LIMS1: variants seen among roughly 807,000 people sequenced by gnomAD.
LIMS1 encodes the protein LIM and senescent cell antigen-like-containing domain protein 1.
LIMS1 carries 18 observed loss-of-function variants against 44.1 expected under a neutral mutation model. The ratio of observed to expected loss-of-function variants is 0.41; its 90% CI spans 0.28 to 0.61. The LOEUF (loss-of-function observed/expected upper bound fraction) is 0.61. Ranked by LOEUF, LIMS1 falls within the 20% of genes least tolerant of loss-of-function variation. The pLI is 0.32. For missense variants in LIMS1, 201 were observed against 422.0 expected, an observed-to-expected ratio of 0.48 and a Z score of 4.59; for synonymous variants, 93 against 149.1, an observed-to-expected ratio of 0.62 and a Z score of 2.74.
intron 1 of LIMS1, among the ~76,000 whole-genome samples, chr2:108,627,690 G>A (rs1688658603): frequency 6.6e-6 from 1 of 152,022 alleles, no homozygotes; most frequent in African/African-American, 2.4e-5. Flanking sequence ...GTTATTAAAA[G>A]GAAACAGTAC....
intron 1 of LIMS1, chr2:108,621,520 G>A: frequency 8.1e-7 from 1 of 1,230,398 alleles, no homozygotes; most frequent in East Asian, 2.5e-5. Flanking sequence ...AAGTGCAGTG[G>A]GGATTCATGC....
chr2:108,547,903 G>A (rs992969301), intron 1 of LIMS1, among the ~76,000 whole-genome samples: 2 of 152,226 alleles, frequency 1.3e-5, no homozygotes, highest in African/African-American at 4.8e-5. Flanking sequence ...ATTAGAATCT[G>A]GAGATGGAGT....
At chr2:108,566,759 G>C (rs1685304961) in intron 1 of LIMS1, among the ~76,000 whole-genome samples, 1 of 152,080 alleles carries the variant, frequency 6.6e-6, no homozygotes, top group Non-Finnish European at 1.5e-5. Flanking sequence ...ACCATGCCCA[G>C]CTAATTTTTG....
At chr2:108,610,133 A>C (rs1687512647) in intron 1 of LIMS1, among the ~76,000 whole-genome samples, 1 of 146,264 alleles carries the variant, frequency 6.8e-6, no homozygotes, top group Non-Finnish European at 1.5e-5. Context: ...ACAAAGTGAG[A>C]CTCTGTTACA....
intron 1 of LIMS1, among the ~76,000 whole-genome samples, chr2:108,537,599 C>T (rs138998905): frequency 9.2e-5 from 14 of 152,264 alleles, no homozygotes; most frequent in African/African-American, 1.7e-4. Flanking sequence ...GTGAGAAAAT[C>T]GAACTGTTGA....
intron 1 of LIMS1, among the ~76,000 whole-genome samples, chr2:108,628,218 T>C: frequency 6.6e-6 from 1 of 152,262 alleles, no homozygotes; most frequent in East Asian, 1.9e-4. Context: ...GCAGTAATAC[T>C]TTCTTCTTAA....
At chr2:108,630,465 A>G (rs1205274426) in intron 1 of LIMS1, among the ~76,000 whole-genome samples, 1 of 152,172 alleles carries the variant, frequency 6.6e-6, no homozygotes, top group Non-Finnish European at 1.5e-5. Flanking sequence ...TGACTGTTGG[A>G]GTTGGATAAT....
chr2:108,544,272 G>C (rs1302907567), intron 1 of LIMS1, among the ~76,000 whole-genome samples: 2 of 152,130 alleles, frequency 1.3e-5, no homozygotes, highest in African/African-American at 4.8e-5. Context: ...GAAAATTCAA[G>C]AATCAGGGAG....
At chr2:108,640,462 C>G (rs1340709063) in intron 1 of LIMS1, among the ~76,000 whole-genome samples, 1 of 152,198 alleles carries the variant, frequency 6.6e-6, no homozygotes, top group African/African-American at 2.4e-5. Context: ...TGAGGCCACA[C>G]AGTGCTTTCA....
At chr2:108,575,190 T>C (rs750953849) in intron 1 of LIMS1, among the ~76,000 whole-genome samples, 3 of 152,164 alleles carry the variant, frequency 2.0e-5, no homozygotes, top group Non-Finnish European at 4.4e-5. Flanking sequence ...CTAGTTTGTT[T>C]AATCATTTGT....
chr2:108,649,425 C>T (rs112714637), intron 1 of LIMS1, among the ~76,000 whole-genome samples: 1,854 of 152,252 alleles, frequency 0.012, 45 homozygotes, highest in African/African-American at 0.043. Context: ...GCCGATTCCT[C>T]AAGGATCTAG....
chr2:108,589,602 T>G (rs1271590488), intron 1 of LIMS1, among the ~76,000 whole-genome samples: 1 of 152,188 alleles, frequency 6.6e-6, no homozygotes, highest in African/African-American at 2.4e-5. Context: ...AATATTAGGC[T>G]GTTATTTGAG....
intron 1 of LIMS1, among the ~76,000 whole-genome samples, chr2:108,570,890 C>G (rs1427202933): frequency 6.6e-6 from 1 of 152,206 alleles, no homozygotes. Flanking sequence ...CTAGCTAATC[C>G]CAGCCTCTGG....
intron 1 of LIMS1, among the ~76,000 whole-genome samples, chr2:108,579,184 A>G (rs1431491716): frequency 6.6e-6 from 1 of 152,208 alleles, no homozygotes; most frequent in African/African-American, 2.4e-5. Context: ...TTTCACCTTT[A>G]TAATTTTAAA....
chr2:108,650,025 C>T (rs984113292), intron 1 of LIMS1, among the ~76,000 whole-genome samples: 4 of 152,168 alleles, frequency 2.6e-5, no homozygotes, highest in African/African-American at 9.7e-5. Flanking sequence ...GAATTGAGGA[C>T]CTCGCACAAT....
chr2:108,612,720 C>T (rs989455087), intron 1 of LIMS1, among the ~76,000 whole-genome samples: 3 of 152,000 alleles, frequency 2.0e-5, no homozygotes, highest in African/African-American at 2.4e-5. Context: ...ACCCTCAAAC[C>T]GACCATTCAC....
chr2:108,620,349 C>T (rs1688168478), intron 1 of LIMS1, among the ~76,000 whole-genome samples: 1 of 152,106 alleles, frequency 6.6e-6, no homozygotes, highest in Non-Finnish European at 1.5e-5. Context: ...TTCCTAGAAC[C>T]ATTTAGTCAA....
intron 1 of LIMS1, among the ~76,000 whole-genome samples, chr2:108,651,988 T>TGC (rs1690524665): frequency 7.3e-6 from 1 of 137,582 alleles, no homozygotes; most frequent in Non-Finnish European, 1.5e-5. Flanking sequence ...GCCTTCTTAT[T>TGC]GCATGGTTGA....
At chr2:108,644,169 C>G (rs922567906) in intron 1 of LIMS1, among the ~76,000 whole-genome samples, 3 of 152,156 alleles carry the variant, frequency 2.0e-5, no homozygotes, top group African/African-American at 7.2e-5. Flanking sequence ...TAAGGGACAG[C>G]CTGCCTCCTC....
Sources: gnomAD v4.1 joint callset for allele counts (sites outside exome capture counted in the v4.1 genomes callset) on GRCh38, gnomAD v4.1.1 for gene constraint, MANE v1.5 for transcripts, NCBI Gene and HGNC (gene_info 2026-07-23, HGNC 2026-07-21) for gene names.